The following LAMA2 variants were observed in gnomAD, a reference collection of about 807,000 sequenced individuals.
LAMA2 encodes the protein laminin subunit alpha 2.
Under a neutral mutation model 364.8 loss-of-function variants are expected in LAMA2, and 269 were observed. The observed-to-expected ratio is 0.74, with a 90% CI of 0.67 to 0.82. The LOEUF (loss-of-function observed/expected upper bound fraction) is 0.82. Ranked by LOEUF, LAMA2 falls within the 40% of genes least tolerant of loss-of-function variation. LAMA2 has a pLI of 0.00. For missense variants in LAMA2, 3,807 were observed against 3,873.2 expected, an observed-to-expected ratio of 0.98 and a Z score of 0.45; for synonymous variants, 1,379 against 1,370.6, an observed-to-expected ratio of 1.01 and a Z score of -0.14.
At chr6:129,475,360 GTTT>G in intron 52 of LAMA2, 27 bp from the exon 53 acceptor site, 1 of 1,165,532 alleles carries the variant, frequency 8.6e-7, no homozygotes, top group Non-Finnish European at 1.2e-6. Flanking sequence ...TTTTATTTTT[GTTT>G]TTTTTTTCCT....
chr6:129,505,969 C>A (rs1025937961), intron 61 of LAMA2, among the ~76,000 whole-genome samples: 3 of 152,152 alleles, frequency 2.0e-5, no homozygotes, highest in African/African-American at 7.2e-5. Flanking sequence ...GCAAGTTAAT[C>A]TTTTTTAACA....
chr6:129,309,490 A>G (rs1290493606), intron 22 of LAMA2, among the ~76,000 whole-genome samples: 1 of 152,222 alleles, frequency 6.6e-6, no homozygotes, highest in African/African-American at 2.4e-5. Flanking sequence ...TATTTTAGTT[A>G]AAGATAAAGA....
At chr6:129,384,950 G>T (rs1042325843) in intron 35 of LAMA2, among the ~76,000 whole-genome samples, 2 of 149,284 alleles carry the variant, frequency 1.3e-5, no homozygotes, top group Non-Finnish European at 3.0e-5. Context: ...TGTTAAAATT[G>T]AATGAAAGGT....
rs1779302415 is a variant in LAMA2 at position 128,929,376 on chromosome 6, T to C, written c.112+46019T>C. ...AGACCTCGAGAGAATACAAAGAAGT[T>C]CATCAGTCATGTGAGGATGAGTGAT... On this transcript the variant is annotated intron_variant, in intron 1 of 64. Transcript: ENST00000421865. 3.0e-6 allele frequency: 3 copies of C among 1,004,530 alleles called. No individual in the cohort carries two copies. The Admixed American group carries it at 5.1e-5, about 17-fold the overall frequency. 62.2% of individuals were successfully genotyped at this position (1,004,530 alleles called of 1,614,324 possible).
intron 1 of LAMA2, among the ~76,000 whole-genome samples, chr6:128,998,361 T>G (rs1784133862): frequency 6.6e-6 from 1 of 152,206 alleles, no homozygotes; most frequent in East Asian, 1.9e-4. Context: ...TAGAATATTG[T>G]TTCTAAGTCA....
chr6:129,184,475 G>A (rs565271969), intron 10 of LAMA2, among the ~76,000 whole-genome samples: 34 of 151,910 alleles, frequency 2.2e-4, no homozygotes, highest in African/African-American at 6.0e-4. Flanking sequence ...AGGCCTCATC[G>A]TTGACCCTTG....
intron 28 of LAMA2, among the ~76,000 whole-genome samples, chr6:129,322,238 G>C (rs1051985746): frequency 6.6e-6 from 1 of 152,108 alleles, no homozygotes; most frequent in Non-Finnish European, 1.5e-5. Flanking sequence ...TTATTAAATT[G>C]TATTTCCTAC....
At chr6:129,457,251 C>T (rs566727810) in intron 48 of LAMA2, among the ~76,000 whole-genome samples, 20 of 152,104 alleles carry the variant, frequency 1.3e-4, no homozygotes, top group South Asian at 2.1e-4. Context: ...ACTTTGAGTA[C>T]GAGATGTGAC....
intron 48 of LAMA2, among the ~76,000 whole-genome samples, chr6:129,456,929 G>A (rs1782995907): frequency 6.6e-6 from 1 of 152,084 alleles, no homozygotes; most frequent in Admixed American, 6.6e-5. Context: ...AACATGATCT[G>A]GTTTTTAAAG....
chr6:129,433,099 C>T (rs949226768), intron 41 of LAMA2, among the ~76,000 whole-genome samples: 3 of 152,116 alleles, frequency 2.0e-5, no homozygotes, highest in Non-Finnish European at 4.4e-5. Context: ...CAGCACATCC[C>T]AAACTTGTGA....
intron 1 of LAMA2, among the ~76,000 whole-genome samples, chr6:129,017,065 A>G (rs920148330): frequency 3.3e-5 from 5 of 151,908 alleles, no homozygotes; most frequent in Non-Finnish European, 7.4e-5. Flanking sequence ...CTACATCTAG[A>G]CTTCTGCATC....
At chr6:129,153,583 T>C (rs1778938306) in intron 7 of LAMA2, among the ~76,000 whole-genome samples, 1 of 152,346 alleles carries the variant, frequency 6.6e-6, no homozygotes, top group South Asian at 2.1e-4. Flanking sequence ...TTTCCAATAC[T>C]GATTAGAATA....
intron 1 of LAMA2, among the ~76,000 whole-genome samples, chr6:128,941,448 G>GAATC (rs1200510001): frequency 1.8e-4 from 28 of 152,266 alleles, no homozygotes; most frequent in African/African-American, 6.7e-4. Context: ...TTGAATGAAT[G>GAATC]AATCAATCAA....
chr6:128,953,916 G>C (rs931149403), intron 1 of LAMA2, among the ~76,000 whole-genome samples: 3 of 152,198 alleles, frequency 2.0e-5, no homozygotes, highest in Middle Eastern at 3.4e-3. Context: ...TTTACTGATA[G>C]AGTCCTTTAA....
intron 29 of LAMA2, among the ~76,000 whole-genome samples, chr6:129,338,347 C>CACTT (rs1562473656): frequency 1.3e-5 from 2 of 152,204 alleles, no homozygotes; most frequent in Non-Finnish European, 2.9e-5. Flanking sequence ...CCCCAGTTAA[C>CACTT]ACTTATTCAT....
At chr6:129,240,462 G>A (rs1785323649) in intron 12 of LAMA2, among the ~76,000 whole-genome samples, 1 of 152,102 alleles carries the variant, frequency 6.6e-6, no homozygotes, top group Non-Finnish European at 1.5e-5. Context: ...GCCTTCAAAT[G>A]TTCCAAGAAA....
At chr6:129,019,981 A>G (rs1785322508) in intron 1 of LAMA2, among the ~76,000 whole-genome samples, 2 of 151,948 alleles carry the variant, frequency 1.3e-5, no homozygotes, top group South Asian at 4.2e-4. Flanking sequence ...GCTACTCAGG[A>G]GGCTGAGGCA....
At chr6:128,982,045 G>A (rs1218086087) in intron 1 of LAMA2, among the ~76,000 whole-genome samples, 3 of 152,070 alleles carry the variant, frequency 2.0e-5, no homozygotes, top group Non-Finnish European at 2.9e-5. Flanking sequence ...TTACTGCATT[G>A]CTCCTTGAGG....
intron 34 of LAMA2, among the ~76,000 whole-genome samples, chr6:129,373,871 C>A (rs1778225942): frequency 1.3e-5 from 2 of 152,090 alleles, no homozygotes; most frequent in Non-Finnish European, 2.9e-5. Context: ...TGGATATTGA[C>A]CCTGATCACC....
Sources: gnomAD v4.1 joint callset for allele counts (sites outside exome capture counted in the v4.1 genomes callset) on GRCh38, gnomAD v4.1.1 for gene constraint, MANE v1.5 for transcripts, NCBI Gene and HGNC (gene_info 2026-07-23, HGNC 2026-07-21) for gene names.